The following LRP1B variants were observed in gnomAD, a reference collection of about 807,000 sequenced individuals.
LRP1B encodes low-density lipoprotein receptor-related protein 1B.
In LRP1B, 217 loss-of-function variants were observed where a neutral mutation model predicts 556.6. The observed-to-expected ratio is 0.39, with a 90% CI of 0.35 to 0.44. The LOEUF is 0.44. Ranked by LOEUF, LRP1B falls within the 20% of genes least tolerant of loss-of-function variation. LRP1B has a pLI of 1.00. For missense variants in LRP1B, 5,053 were observed against 5,620.8 expected, an observed-to-expected ratio of 0.90 and a Z score of 3.23; for synonymous variants, 2,047 against 1,865.8, an observed-to-expected ratio of 1.10 and a Z score of -2.50.
At chr2:141,376,839 G>A (rs932516812) in intron 3 of LRP1B, among the ~76,000 whole-genome samples, 12 of 151,904 alleles carry the variant, frequency 7.9e-5, no homozygotes, top group African/African-American at 2.9e-4. Flanking sequence ...TCTTACAAAT[G>A]CTCTTTCCCA....
intron 49 of LRP1B, among the ~76,000 whole-genome samples, chr2:140,519,310 G>A (rs6430909): frequency 0.73 from 111,047 of 151,344 alleles, 41,239 homozygotes; most frequent in Middle Eastern, 0.88. Flanking sequence ...AACACTACAC[G>A]TCTACAACCA....
intron 2 of LRP1B, among the ~76,000 whole-genome samples, chr2:141,743,501 C>CTTTTTTTTTTTTTTTTTTTTTTTTTTTCT (rs796287062): frequency 2.5e-5 from 3 of 119,038 alleles, no homozygotes; most frequent in Non-Finnish European, 4.9e-5. Context: ...TTTTTTTTTT[C>CTTTTTTTTTTTTTTTTTTTTTTTTTTTCT]TTTTTTTTTT....
intron 1 of LRP1B, among the ~76,000 whole-genome samples, chr2:142,054,599 C>T (rs915239793): frequency 5.3e-5 from 8 of 152,144 alleles, no homozygotes; most frequent in Admixed American, 3.3e-4. Flanking sequence ...TACGATGACA[C>T]ATAGTCAAAT....
intron 6 of LRP1B, among the ~76,000 whole-genome samples, chr2:141,213,747 C>A (rs1002412655): frequency 1.3e-5 from 2 of 152,146 alleles, no homozygotes; most frequent in African/African-American, 4.8e-5. Context: ...AATTGTAATA[C>A]CAAATACAAA....
chr2:141,350,804 C>G (rs1250731454), intron 3 of LRP1B, among the ~76,000 whole-genome samples: 1 of 151,972 alleles, frequency 6.6e-6, no homozygotes, highest in Non-Finnish European at 1.5e-5. Flanking sequence ...ATGTAATTTC[C>G]TTCCTCAAAA....
chr2:141,711,476 GAGAGCTAGAGAGTGAGCATGAGAC>G (rs1209070704), intron 2 of LRP1B, among the ~76,000 whole-genome samples: 1 of 152,178 alleles, frequency 6.6e-6, no homozygotes, highest in Non-Finnish European at 1.5e-5. Flanking sequence ...GACATTAGAA[GAGAGCTAGAGAGTGAGCATGAGAC>G]AGCAAGAGCC....
chr2:140,567,633 G>T (rs772886977), intron 43 of LRP1B, among the ~76,000 whole-genome samples: 1 of 152,050 alleles, frequency 6.6e-6, no homozygotes, highest in Non-Finnish European at 1.5e-5. Flanking sequence ...GCCAAAGTAG[G>T]TTCACAAGAC....
intron 1 of LRP1B, among the ~76,000 whole-genome samples, chr2:141,817,541 A>G (rs899955621): frequency 3.9e-5 from 6 of 152,094 alleles, no homozygotes; most frequent in Non-Finnish European, 7.4e-5. Context: ...GCTGAAAAAA[A>G]TGTATATATA....
Position 140,900,235 on chromosome 2 carries a change from T to C in LRP1B, c.3766+2685A>G, listed in dbSNP as rs540522776. On this transcript the variant is annotated intron_variant, in intron 23 of 90. Coordinates refer to ENST00000389484, the MANE Select transcript of LRP1B (RefSeq NM_018557.3). ...AACATAAGTTGTTATTTATTTCATA[T>C]GGTATATAACCACTCTAAGACACTG... Among the ~76,000 whole-genome samples the C allele has an allele frequency of 1.3e-4, 20 of 152,358 alleles. No homozygotes were observed. In the South Asian group the frequency reaches 4.1e-3, roughly 32 times the overall value.
chr2:140,615,820 T>C (rs1683236513), intron 41 of LRP1B, among the ~76,000 whole-genome samples: 1 of 151,896 alleles, frequency 6.6e-6, no homozygotes, highest in African/African-American at 2.4e-5. Context: ...CAAACTGCTA[T>C]CTTCATACTT....
At chr2:140,875,286 A>G (rs551954828) in intron 25 of LRP1B, among the ~76,000 whole-genome samples, 7 of 152,306 alleles carry the variant, frequency 4.6e-5, no homozygotes, top group African/African-American at 1.7e-4. Context: ...AGGCATACTA[A>G]TGCAAGACCA....
At chr2:140,958,557 T>G (rs1159167593) in intron 18 of LRP1B, among the ~76,000 whole-genome samples, 2 of 151,572 alleles carry the variant, frequency 1.3e-5, no homozygotes, top group Non-Finnish European at 3.0e-5. Context: ...GGACAGAATC[T>G]AACAAACTAA....
intron 35 of LRP1B, among the ~76,000 whole-genome samples, chr2:140,748,362 TATTTATA>T (rs1688411227): frequency 8.4e-6 from 1 of 119,074 alleles, no homozygotes; most frequent in African/African-American, 3.2e-5. Context: ...ATATAATATA[TATTTATA>T]TATGTATATA....
Position 140,534,016 on chromosome 2 carries a change from T to C in LRP1B, c.7762+5A>G. 1 of 1,613,136 alleles carries C rather than the reference T, an allele frequency of 6.2e-7. No homozygotes were observed. The highest frequency in any genetic ancestry group is 8.5e-7 in the Non-Finnish European group (1 of 1,179,498). ...TATTCTGAGATTGATGGAACAAGTATTTACCTTTACAATCTAATTCATCAG... is the reference window on the plus strand; with the variant it reads ...TATTCTGAGATTGATGGAACAAGTACTTACCTTTACAATCTAATTCATCAG... On this transcript the variant is annotated splice_donor_5th_base_variant and intron_variant, in intron 47 of 90. Transcript: ENST00000389484.
rs1297220299 is a variant in LRP1B, at chr2:141,096,621, GGAGAGGGGGAGA to G, written c.1014-34360_1014-34349del. Among the ~76,000 whole-genome samples the G allele has an allele frequency of 9.8e-4, 39 of 39,892 alleles. 5 individuals are homozygous for G. The highest frequency in any genetic ancestry group is 1.3e-3 in the African/African-American group (14 of 10,636). 26.2% of individuals were successfully genotyped at this position (39,892 alleles called of 152,430 possible). ...ACCCTAGCCTGAATGACAAAGACGG[GGAGAGGGGGAGA>G]GAGAGAGAGAGAGAGAGAGAGAGAG... On this transcript the variant is annotated intron_variant, in intron 7 of 90. Coordinates refer to ENST00000389484, the MANE Select transcript of LRP1B (RefSeq NM_018557.3).
chr2:140,420,576 T>C (rs138930239), intron 66 of LRP1B, among the ~76,000 whole-genome samples: 3 of 152,342 alleles, frequency 2.0e-5, no homozygotes, highest in African/African-American at 7.2e-5. Context: ...AGCAGTTTGA[T>C]TTGCAATATT....
chr2:140,574,812 A>G (rs1681456748), intron 43 of LRP1B, among the ~76,000 whole-genome samples: 1 of 152,220 alleles, frequency 6.6e-6, no homozygotes, highest in African/African-American at 2.4e-5. Context: ...AAATGTTAAA[A>G]CCAATATTAA....
intron 3 of LRP1B, among the ~76,000 whole-genome samples, chr2:141,440,416 C>T (rs765700990): frequency 6.6e-5 from 10 of 152,230 alleles, no homozygotes; most frequent in Admixed American, 4.6e-4. Flanking sequence ...CCCTGCGGAC[C>T]GCAGAGGAGC....
At chr2:140,947,222 A>G (rs911696062) in intron 20 of LRP1B, among the ~76,000 whole-genome samples, 6 of 152,216 alleles carry the variant, frequency 3.9e-5, no homozygotes, top group African/African-American at 1.4e-4. Flanking sequence ...GAGAGAATAC[A>G]TATTGAACTT....
Sources: gnomAD v4.1 joint callset for allele counts (sites outside exome capture counted in the v4.1 genomes callset) on GRCh38, gnomAD v4.1.1 for gene constraint, MANE v1.5 for transcripts, NCBI Gene and HGNC (gene_info 2026-07-23, HGNC 2026-07-21) for gene names.